The following CENPK variants were observed in gnomAD, a reference collection of about 807,000 sequenced individuals.
The protein encoded by CENPK is centromere protein K.
In CENPK, 46 loss-of-function variants were observed where a neutral mutation model predicts 40.9. That is an observed-to-expected ratio of 1.13 (90% CI 0.89 to 1.44). The LOEUF (loss-of-function observed/expected upper bound fraction) is 1.44, where lower values mean the gene tolerates loss of function less well. CENPK is among the 40% of genes most tolerant of loss of function. The probability of loss-of-function intolerance (pLI) is 0.00; values close to 1 mark genes in which losing one functional copy is unlikely to be tolerated. For missense variants in CENPK, 288 were observed against 303.5 expected (o/e 0.95, Z 0.38); for synonymous variants, 107 against 104.4 (o/e 1.02, Z -0.15).
At chr5:65,548,903 CTGTTAA>C (rs1295144777) in intron 5 of CENPK, among the ~76,000 whole-genome samples, 1 of 152,130 alleles carries the variant, frequency 6.6e-6, no homozygotes, top group Non-Finnish European at 1.5e-5. Context: ...TTGCACACTC[CTGTTAA>C]TGTTGTTATT....
intron 6 of CENPK, among the ~76,000 whole-genome samples, chr5:65,537,689 C>T (rs890572969): frequency 2.0e-5 from 3 of 152,104 alleles, no homozygotes; most frequent in African/African-American, 4.8e-5. Flanking sequence ...TTTTTTGTGG[C>T]GGGCTTTTTT....
At chr5:65,560,079 A>C (rs1193192619) in intron 2 of CENPK, among the ~76,000 whole-genome samples, 1 of 152,098 alleles carries the variant, frequency 6.6e-6, no homozygotes. Flanking sequence ...AAAACACAGA[A>C]ACTTTTAAAA....
intron 2 of CENPK, among the ~76,000 whole-genome samples, chr5:65,559,732 G>A (rs192018946): frequency 1.3e-5 from 2 of 152,020 alleles, no homozygotes; most frequent in East Asian, 3.9e-4. Flanking sequence ...ACACTATTAT[G>A]GCAATGTAGA....
Position 65,528,575 on chromosome 5 carries a change from G to T in CENPK, c.474C>A (p.Ile158=), listed in dbSNP as rs1745162523. Reference sequence around the variant, plus strand: ...GCATTTTAGTTTTCAGTTCATTAAAGATTCTAATAGATTAAAAAAATTAAG... The same window carrying T: ...GCATTTTAGTTTTCAGTTCATTAAATATTCTAATAGATTAAAAAAATTAAG... ...NKVETFSESR[I]FNELKTKMLN... Residue 158 remains isoleucine (I), a synonymous_variant, in exon 9 of 11, where the codon ATC becomes ATA. Transcript: ENST00000396679. 6.6e-7 allele frequency: 1 copy of T among 1,520,618 alleles called. No homozygotes were observed. 94.2% of individuals were successfully genotyped at this position (1,520,618 alleles called of 1,614,324 possible).
At chr5:65,501,181 T>G in the CENPK span, among the ~76,000 whole-genome samples, 22 of 133,904 alleles carry the variant, frequency 1.6e-4, no homozygotes, top group Non-Finnish European at 2.6e-4. Flanking sequence ...TTTGTTTTTT[T>G]TTTTTTTTTT....
At chr5:65,518,693 G>A (rs1452865553) in intron 10 of CENPK, 60 bp from the exon 11 acceptor site, 2 of 1,139,980 alleles carry the variant, frequency 1.8e-6, no homozygotes, top group East Asian at 5.0e-5. Flanking sequence ...ATAGCTATAA[G>A]AAAGTTTTTT....
chr5:65,537,368 G>A (rs1014068363), intron 6 of CENPK, among the ~76,000 whole-genome samples: 4 of 152,110 alleles, frequency 2.6e-5, no homozygotes, highest in Non-Finnish European at 4.4e-5. Flanking sequence ...CCAGTAGGGC[G>A]ATCTCGGCTC....
At chr5:65,548,928 C>T (rs1038557503) in intron 5 of CENPK, among the ~76,000 whole-genome samples, 1 of 152,132 alleles carries the variant, frequency 6.6e-6, no homozygotes, top group Non-Finnish European at 1.5e-5. Flanking sequence ...TTTTGACCTC[C>T]TTCCATAAAT....
intron 5 of CENPK, among the ~76,000 whole-genome samples, chr5:65,548,786 T>C (rs979963228): frequency 6.6e-6 from 1 of 152,186 alleles, no homozygotes; most frequent in African/African-American, 2.4e-5. Flanking sequence ...ATTGCAGTCA[T>C]TCAGCCACAT....
chr5:65,520,509 T>C (rs1743528117), intron 10 of CENPK, among the ~76,000 whole-genome samples: 1 of 152,032 alleles, frequency 6.6e-6, no homozygotes, highest in Non-Finnish European at 1.5e-5. Flanking sequence ...ACAATTTTTA[T>C]TAAAAAAAAA....
Position 65,521,472 on chromosome 5 carries a change from T to TA in CENPK, c.651+2dup. 1 of 1,607,932 alleles carries TA rather than the reference T, an allele frequency of 6.2e-7. No individual in the cohort carries two copies. Among genetic ancestry groups the TA allele is most frequent in the Non-Finnish European group, 8.5e-7 (1 of 1,175,708 alleles). ...GACAAAACAAACTACACAAAACACT[T>TA]ACCTCTAACATTTCATGCAGTGTTA... is the stretch of plus-strand genomic sequence containing the variant. On this transcript the variant is annotated splice_region_variant and intron_variant, in intron 10 of 10. Coordinates refer to ENST00000396679, the MANE Select transcript of CENPK (RefSeq NM_022145.5).
intron 9 of CENPK, among the ~76,000 whole-genome samples, chr5:65,526,658 G>A (rs1010319198): frequency 6.6e-6 from 1 of 152,202 alleles, no homozygotes; most frequent in African/African-American, 2.4e-5. Context: ...TTTGAAAAGT[G>A]TTACTAAAAG....
chr5:65,532,812 A>G (rs13184266), intron 6 of CENPK, among the ~76,000 whole-genome samples: 150,171 of 150,186 alleles, frequency 1, 75,078 homozygotes, highest in Middle Eastern at 1. Flanking sequence ...GGGAGGCTGA[A>G]GCAGGAGAAT....
chr5:65,549,360 T>C (rs1014731155), intron 5 of CENPK, among the ~76,000 whole-genome samples: 6 of 152,188 alleles, frequency 3.9e-5, no homozygotes, highest in African/African-American at 1.2e-4. Flanking sequence ...GGCCCTAGGA[T>C]TGCTGGAATG....
chr5:65,560,298 C>T (rs1442763264), intron 2 of CENPK, among the ~76,000 whole-genome samples: 1 of 151,370 alleles, frequency 6.6e-6, no homozygotes, highest in Non-Finnish European at 1.5e-5. Context: ...TAAGAAGAAA[C>T]CAAACAACTC....
chr5:65,549,631 T>G (rs1749623238), intron 5 of CENPK, among the ~76,000 whole-genome samples: 1 of 152,224 alleles, frequency 6.6e-6, no homozygotes, highest in African/African-American at 2.4e-5. Flanking sequence ...TGCTTCCCCT[T>G]GCATTTTTAT....
At chr5:65,516,448 ATC>A (rs1216623225), downstream of CENPK, among the ~76,000 whole-genome samples, 1 of 152,230 alleles carries the variant, frequency 6.6e-6, no homozygotes, top group Non-Finnish European at 1.5e-5. Context: ...ACAATCCACC[ATC>A]ATGTGAATTG....
chr5:65,500,524 T>C, the CENPK span, among the ~76,000 whole-genome samples: 3 of 152,100 alleles, frequency 2.0e-5, no homozygotes, highest in East Asian at 5.8e-4. Flanking sequence ...TTGTTTGTTT[T>C]TTTCTTGTAA....
chr5:65,510,776 C>CAA, the CENPK span, among the ~76,000 whole-genome samples: 125 of 133,686 alleles, frequency 9.4e-4, no homozygotes, highest in African/African-American at 1.8e-3. Flanking sequence ...AACTCCATCT[C>CAA]AAAAAAAAAA....
Sources: allele counts gnomAD v4.1 joint callset (sites outside exome capture counted in the v4.1 genomes callset), GRCh38; gene constraint gnomAD v4.1.1; transcripts MANE v1.5; gene names NCBI Gene and HGNC (gene_info 2026-07-23, HGNC 2026-07-21).